ADAMTS20: variants seen among roughly 807,000 people sequenced by gnomAD.
ADAMTS20 encodes ADAM metallopeptidase with thrombospondin type 1 motif 20.
Under a neutral mutation model 260.1 loss-of-function variants are expected in ADAMTS20, and 225 were observed. That is an observed-to-expected ratio of 0.87 (90% confidence interval 0.78 to 0.97). The LOEUF is 0.97. Among genes scored for constraint, ADAMTS20 ranks in the 50% least tolerant of loss-of-function variants. The pLI, the probability that ADAMTS20 is intolerant of heterozygous loss-of-function variation, is 0.00. For synonymous variants in ADAMTS20, 802 were observed against 769.5 expected (o/e 1.04, Z -0.70); for missense variants, 2,400 against 2,337.7 (o/e 1.03, Z -0.55).
chr12:43,379,986 C>CAA (rs60877406), intron 31 of ADAMTS20, among the ~76,000 whole-genome samples: 120 of 144,376 alleles, frequency 8.3e-4, no homozygotes, highest in Middle Eastern at 3.6e-3. Context: ...ACAGACATCA[C>CAA]AAAAAAAAAA....
At chr12:43,481,857 C>T (rs1391330276) in intron 7 of ADAMTS20, among the ~76,000 whole-genome samples, 1 of 151,974 alleles carries the variant, frequency 6.6e-6, no homozygotes, top group Admixed American at 6.6e-5. Context: ...GGAACTTAAC[C>T]GAAAAATGGA....
rs11182053 is a variant in ADAMTS20 at position 43,402,405 on chromosome 12, A to T, written c.4285-3172T>A. Among the ~76,000 whole-genome samples, 976 of 152,140 alleles carry T rather than the reference A, an allele frequency of 6.4e-3. 11 individuals carry two copies. Among genetic ancestry groups the T allele is most frequent in the African/African-American group, 0.022 (911 of 41,570 alleles). On this transcript the variant is annotated intron_variant, in intron 28 of 38. Coordinates refer to ENST00000389420, the MANE Select transcript of ADAMTS20 (RefSeq NM_025003.5). ...AATTATGCTTTATACTTTTAAAGTAAAGTTCTTTTTCTCCAAGATCTGAAG... is the reference window on the plus strand; with the variant it reads ...AATTATGCTTTATACTTTTAAAGTATAGTTCTTTTTCTCCAAGATCTGAAG...
Position 43,427,434 on chromosome 12 carries a change from C to T in ADAMTS20, c.3981G>A (p.Arg1327=). 1.9e-6 allele frequency: 3 copies of T among 1,613,622 alleles called. No homozygotes were observed. Among genetic ancestry groups the T allele is most frequent in the Non-Finnish European group, 2.5e-6 (3 of 1,179,746 alleles). The change falls in exon 27 of 39, where the codon AGG becomes AGA. Residue 1327 remains arginine, a synonymous_variant. Coordinates refer to ENST00000389420, the MANE Select transcript of ADAMTS20 (RefSeq NM_025003.5). ...CATTTTCATCCTGGCAGACCACAGC[C>T]CTATGCTGAAGACCTCCAGAACAAC... ...SSSCSGGLQH[R]AVVCQDENGQ... is the part of the protein sequence containing the mutation.
Position 43,411,351 on chromosome 12 carries a change from G to GTTGTTTGTTTGT in ADAMTS20, c.4285-12130_4285-12119dup, listed in dbSNP as rs141577930. ...TAAAATTGGTTTTCAAAAAGCATCT[G>GTTGTTTGTTTGT]TTGTTTGTTTGTTTGTTTGTTTGTT... On this transcript the variant is annotated intron_variant, in intron 28 of 38. Transcript: ENST00000389420. Among the ~76,000 whole-genome samples the GTTGTTTGTTTGT allele has an allele frequency of 8.5e-4, 129 of 151,728 alleles. 1 individual carries two copies. In the South Asian group the frequency reaches 0.013, roughly 15 times the overall value.
At chr12:43,372,560 G>A (rs1025846722) in intron 36 of ADAMTS20, among the ~76,000 whole-genome samples, 19 of 152,188 alleles carry the variant, frequency 1.2e-4, no homozygotes, top group Non-Finnish European at 2.4e-4. Context: ...TCAGTGGCTG[G>A]CTGGAAAGGT....
At chr12:43,538,345 C>T (rs1020264354) in intron 2 of ADAMTS20, among the ~76,000 whole-genome samples, 1 of 152,124 alleles carries the variant, frequency 6.6e-6, no homozygotes, top group Non-Finnish European at 1.5e-5. Context: ...AAATCTTTTG[C>T]CCATTTTTTG....
At chr12:43,374,234 CATT>C (rs1940172597) in intron 36 of ADAMTS20, among the ~76,000 whole-genome samples, 2 of 151,818 alleles carry the variant, frequency 1.3e-5, no homozygotes, top group Admixed American at 6.6e-5. Context: ...TGATAGCCAT[CATT>C]ATTAATAATA....
At chr12:43,423,700 T>C in intron 28 of ADAMTS20, 2 of 700,504 alleles carry the variant, frequency 2.9e-6, no homozygotes, top group Admixed American at 4.0e-5. Context: ...CTTTTTATAG[T>C]GAGTTCTTAT....
intron 36 of ADAMTS20, among the ~76,000 whole-genome samples, chr12:43,373,862 G>A (rs1360450376): frequency 6.6e-6 from 1 of 151,074 alleles, no homozygotes; most frequent in Non-Finnish European, 1.5e-5. Flanking sequence ...TGTATTTTTA[G>A]TAGAGACGGG....
chr12:43,543,723 T>C (rs192015021), intron 2 of ADAMTS20, among the ~76,000 whole-genome samples: 1 of 152,286 alleles, frequency 6.6e-6, no homozygotes, highest in Admixed American at 6.5e-5. Flanking sequence ...CTATTGGTGA[T>C]CACCAATATG....
At position 43,354,315 on chromosome 12, in the gene ADAMTS20, G is replaced by C; in HGVS notation, c.5644-17C>G. The C allele has an allele frequency of 6.5e-7, 1 of 1,547,506 alleles. No homozygotes were observed. The highest frequency in any genetic ancestry group is 8.8e-7 in the Non-Finnish European group (1 of 1,136,796). The stretch of plus-strand genomic sequence containing the variant: ...AGTTCCATCCTGAAAATCGGAAGAA[G>C]AAATACAGAAGAATCTTATACAAGC... On this transcript the variant is annotated splice_polypyrimidine_tract_variant and intron_variant, in intron 38 of 38. Transcript: ENST00000389420.
intron 7 of ADAMTS20, among the ~76,000 whole-genome samples, chr12:43,469,622 A>C (rs1490361235): frequency 6.6e-6 from 1 of 151,922 alleles, no homozygotes; most frequent in Non-Finnish European, 1.5e-5. Flanking sequence ...TCCTTTCACA[A>C]AAAAAAGATT....
rs750740935 is a variant in ADAMTS20, at chr12:43,376,340, C to T, written c.5126-10G>A. The T allele has an allele frequency of 7.2e-6, 11 of 1,537,368 alleles. No homozygotes were observed. The East Asian group carries it at 2.7e-4, about 37-fold the overall frequency. On this transcript the variant is annotated splice_polypyrimidine_tract_variant and intron_variant, in intron 33 of 38. Coordinates refer to ENST00000389420, the MANE Select transcript of ADAMTS20 (RefSeq NM_025003.5). Reference sequence around the variant, plus strand: ...GTGGTAAATGATTTACCTTCAAAGACAAATTAACACAACTTAACACAGAGC... The same window carrying T: ...GTGGTAAATGATTTACCTTCAAAGATAAATTAACACAACTTAACACAGAGC...
At chr12:43,532,219 G>A (rs1460905664) in intron 2 of ADAMTS20, 24 bp from the exon 3 acceptor site, 1 of 1,578,076 alleles carries the variant, frequency 6.3e-7, no homozygotes, top group Non-Finnish European at 8.6e-7. Flanking sequence ...AAACAAAAAT[G>A]AATTTTTCCT....
Position 43,377,479 on chromosome 12 carries a change from A to T in ADAMTS20, c.4881T>A (p.His1627Gln). The change falls in exon 32 of 39, where the codon CAT becomes CAA. Residue 1627 changes from histidine to glutamine, a missense_variant. His to Gln is a conservative substitution (Grantham distance 24). Coordinates refer to ENST00000389420, the MANE Select transcript of ADAMTS20 (RefSeq NM_025003.5). Reference protein sequence around the residue: ...EIPSTKKHKLHRLRPIVYQEC... With the variant: ...EIPSTKKHKLQRLRPIVYQEC... ...CTTGATAAACTATAGGCCGAAGTCG[A>T]TGGAGCTTATGTTTCTTAGTAGATG... 6.2e-7 allele frequency: 1 copy of T among 1,613,782 alleles called. No homozygotes were observed.
intron 4 of ADAMTS20, among the ~76,000 whole-genome samples, chr12:43,497,423 T>G (rs1942692912): frequency 6.6e-6 from 1 of 152,106 alleles, no homozygotes; most frequent in Non-Finnish European, 1.5e-5. Context: ...AAGTACAAAG[T>G]CATCTATAAA....
chr12:43,436,781 C>A (rs1941564197), intron 18 of ADAMTS20, among the ~76,000 whole-genome samples: 1 of 152,152 alleles, frequency 6.6e-6, no homozygotes, highest in South Asian at 2.1e-4. Flanking sequence ...CGCTCAATCT[C>A]CTGCTGGCAC....
At chr12:43,506,802 C>T (rs1228771432) in intron 3 of ADAMTS20, among the ~76,000 whole-genome samples, 17 of 143,764 alleles carry the variant, frequency 1.2e-4, no homozygotes, top group East Asian at 8.2e-4. Context: ...TTTTTTACCA[C>T]AATTAAAAAA....
intron 28 of ADAMTS20, among the ~76,000 whole-genome samples, chr12:43,411,925 T>C (rs1014625413): frequency 7.9e-5 from 12 of 152,226 alleles, no homozygotes; most frequent in Admixed American, 7.9e-4. Context: ...CAAAGAAATC[T>C]CTTAAGGTAC....
Sources: gnomAD v4.1 joint callset for allele counts (sites outside exome capture counted in the v4.1 genomes callset) on GRCh38, gnomAD v4.1.1 for gene constraint, MANE v1.5 for transcripts, NCBI Gene and HGNC (gene_info 2026-07-23, HGNC 2026-07-21) for gene names.